The following PRKN variants were observed in gnomAD, a reference collection of about 807,000 sequenced individuals.
PRKN encodes E3 ubiquitin-protein ligase parkin.
In PRKN, 56 loss-of-function variants were observed where a neutral mutation model predicts 59.5. That is an observed-to-expected ratio of 0.94 (90% CI 0.76 to 1.18). The LOEUF is 1.18. Ranked by LOEUF, PRKN falls within the 50% of genes most tolerant of loss-of-function variation. The probability of loss-of-function intolerance (pLI) is 0.00; values close to 1 mark genes in which losing one functional copy is unlikely to be tolerated. For synonymous variants in PRKN, 250 were observed against 222.1 expected (o/e 1.13, Z -1.12); for missense variants, 657 against 596.4 (o/e 1.10, Z -1.06).
intron 7 of PRKN, among the ~76,000 whole-genome samples, chr6:161,736,756 T>C (rs532901028): frequency 6.6e-6 from 1 of 152,202 alleles, no homozygotes; most frequent in Non-Finnish European, 1.5e-5. Context: ...AAATTAGAAA[T>C]GTTTTATATT....
intron 1 of PRKN, among the ~76,000 whole-genome samples, chr6:162,556,364 T>TGTGCGTGTGTGTGC (rs1333960981): frequency 1.1e-5 from 1 of 91,172 alleles, no homozygotes; most frequent in Non-Finnish European, 2.5e-5. Flanking sequence ...TGTGTGTGTG[T>TGTGCGTGTGTGTGC]GTGTGTGTGT....
At chr6:162,040,988 C>G (rs1255432475) in intron 5 of PRKN, among the ~76,000 whole-genome samples, 1 of 151,382 alleles carries the variant, frequency 6.6e-6, no homozygotes, top group Non-Finnish European at 1.5e-5. Context: ...AGTTCAAGAC[C>G]AGCCTGGCCA....
intron 2 of PRKN, among the ~76,000 whole-genome samples, chr6:162,372,953 C>T (rs1262088472): frequency 6.6e-6 from 1 of 152,110 alleles, no homozygotes; most frequent in Non-Finnish European, 1.5e-5. Flanking sequence ...ACGGTGTCAA[C>T]TACCGGAGGA....
chr6:162,129,846 T>A (rs1781274897), intron 4 of PRKN, among the ~76,000 whole-genome samples: 1 of 152,080 alleles, frequency 6.6e-6, no homozygotes. Context: ...TTTTACAACA[T>A]CTGAGAAACA....
At chr6:162,599,079 C>A (rs935030984) in intron 1 of PRKN, among the ~76,000 whole-genome samples, 1 of 152,078 alleles carries the variant, frequency 6.6e-6, no homozygotes, top group Non-Finnish European at 1.5e-5. Flanking sequence ...ATGTAAAAAT[C>A]TTTTCCAGTT....
rs1291518340 is a variant in PRKN, at chr6:161,779,423, TC to T, written c.871+6348del. Among the ~76,000 whole-genome samples the T allele has an allele frequency of 1.2e-3, 146 of 118,192 alleles. 2 individuals carry two copies. Among genetic ancestry groups the T allele is most frequent in the African/African-American group, 4.3e-3 (137 of 31,990 alleles). 77.5% of individuals were successfully genotyped at this position (118,192 alleles called of 152,430 possible). ...CCTTTCCTTTCTTTTCTTTTTTTTC[TC>T]TTTTTCTTTTCTTTTCTTTTTTTTT... is the stretch of plus-strand genomic sequence containing the variant. On this transcript the variant is annotated intron_variant, in intron 7 of 11. Transcript: ENST00000366898.
chr6:161,962,664 G>A (rs1562421836), intron 6 of PRKN, among the ~76,000 whole-genome samples: 2 of 151,694 alleles, frequency 1.3e-5, no homozygotes, highest in Non-Finnish European at 1.5e-5. Context: ...AGCCTCCTGA[G>A]TAGCTGGGAT....
intron 7 of PRKN, among the ~76,000 whole-genome samples, chr6:161,573,755 A>AAAAAATAT (rs1781013640): frequency 3.3e-5 from 1 of 30,362 alleles, no homozygotes. Flanking sequence ...AAAAAAAAAA[A>AAAAAATAT]ATATATATAT....
chr6:162,594,153 CAAACA>C (rs984014299), intron 1 of PRKN, among the ~76,000 whole-genome samples: 2 of 150,720 alleles, frequency 1.3e-5, no homozygotes, highest in African/African-American at 4.9e-5. Flanking sequence ...CTCTCAAAAA[CAAACA>C]AAAAAAAAAC....
intron 6 of PRKN, among the ~76,000 whole-genome samples, chr6:161,875,595 A>G (rs74318215): frequency 0.019 from 2,894 of 152,230 alleles, 85 homozygotes; most frequent in African/African-American, 0.065. Flanking sequence ...AAGAGGTATC[A>G]TGGCAGTCCT....
intron 4 of PRKN, among the ~76,000 whole-genome samples, chr6:162,199,349 C>A (rs1784626836): frequency 6.6e-6 from 1 of 152,168 alleles, no homozygotes; most frequent in South Asian, 2.1e-4. Context: ...GCCTTATTAT[C>A]CTCACATCTA....
intron 6 of PRKN, among the ~76,000 whole-genome samples, chr6:161,810,989 A>T (rs1406370428): frequency 6.6e-6 from 1 of 152,170 alleles, no homozygotes; most frequent in East Asian, 1.9e-4. Context: ...CTCCAAGCAG[A>T]GGGAAGACTA....
intron 1 of PRKN, among the ~76,000 whole-genome samples, chr6:162,520,837 T>G (rs751902960): frequency 3.3e-5 from 5 of 152,082 alleles, no homozygotes; most frequent in Admixed American, 2.6e-4. Flanking sequence ...ATTATTCTGA[T>G]CCAATGACTT....
intron 7 of PRKN, among the ~76,000 whole-genome samples, chr6:161,766,157 A>G (rs575040935): frequency 6.6e-6 from 1 of 152,276 alleles, no homozygotes; most frequent in East Asian, 1.9e-4. Context: ...AAAAATATAT[A>G]GTATTAAGAA....
intron 7 of PRKN, among the ~76,000 whole-genome samples, chr6:161,781,562 G>A (rs956044185): frequency 5.9e-5 from 9 of 152,034 alleles, no homozygotes; most frequent in Non-Finnish European, 8.8e-5. Context: ...GCTTGACCAC[G>A]CAAAATTCTT....
intron 6 of PRKN, among the ~76,000 whole-genome samples, chr6:161,851,703 C>T (rs186670618): frequency 8.2e-5 from 12 of 146,348 alleles, no homozygotes; most frequent in Admixed American, 4.1e-4. Flanking sequence ...CCAGTCTGGT[C>T]TCGAACTCCT....
At position 161,575,846 on chromosome 6, in the gene PRKN, C is replaced by A. The variant is rs1037331681; in HGVS notation, c.872-6430G>T. On this transcript the variant is annotated intron_variant, in intron 7 of 11. Coordinates refer to ENST00000366898, the MANE Select transcript of PRKN (RefSeq NM_004562.3). The surrounding 1 kb of genome is among the most constrained non-coding windows in gnomAD (Gnocchi z 4.6). ...AATTACAGTGACCTTCTATTTCCCC[C>A]CTAAGTACAACTTAGAAAAGGAAAC... Among the ~76,000 whole-genome samples the A allele has an allele frequency of 6.6e-6, 1 of 152,190 alleles. No individual in the cohort carries two copies. The highest frequency in any genetic ancestry group is 2.4e-5 in the African/African-American group (1 of 41,436).
At chr6:161,845,347 GA>G (rs1583238195) in intron 6 of PRKN, among the ~76,000 whole-genome samples, 1 of 152,196 alleles carries the variant, frequency 6.6e-6, no homozygotes, top group East Asian at 1.9e-4. Context: ...GTGGAACGAG[GA>G]AAAAATGTCT....
intron 1 of PRKN, among the ~76,000 whole-genome samples, chr6:162,617,884 C>T (rs867905348): frequency 1.2e-4 from 19 of 152,124 alleles, no homozygotes; most frequent in South Asian, 6.2e-4. Context: ...AGGCACTTTC[C>T]TAAGGGGTTT....
Sources: gnomAD v4.1 joint callset for allele counts (sites outside exome capture counted in the v4.1 genomes callset) on GRCh38, gnomAD v4.1.1 for gene constraint, Gnocchi (gnomAD v3.1) non-coding constraint, MANE v1.5 for transcripts, NCBI Gene and HGNC (gene_info 2026-07-23, HGNC 2026-07-21) for gene names.